A1CF: variants seen among roughly 807,000 people sequenced by gnomAD.
A1CF encodes the protein APOBEC-1 stimulating protein.
A1CF carries 48 observed loss-of-function variants against 68.9 expected under a neutral mutation model. The ratio of observed to expected loss-of-function variants is 0.70; its 90% CI spans 0.55 to 0.89. The LOEUF is 0.89. Ranked by LOEUF, A1CF falls within the 40% of genes least tolerant of loss-of-function variation. A1CF has a pLI of 0.00. For missense variants in A1CF, 653 were observed against 718.9 expected (o/e 0.91, Z 1.05); for synonymous variants, 272 against 260.4 (o/e 1.04, Z -0.43).
chr10:50,809,737 G>T (rs1428737624), intron 12 of A1CF, among the ~76,000 whole-genome samples, 157 bp downstream of exon 12: 1 of 152,184 alleles, frequency 6.6e-6, no homozygotes, highest in African/African-American at 2.4e-5. Context: ...GTGTTTTAAT[G>T]AGTCACTCAT....
intron 3 of A1CF, among the ~76,000 whole-genome samples, chr10:50,849,441 C>T (rs1352684806): frequency 6.6e-6 from 1 of 151,742 alleles, no homozygotes; most frequent in Admixed American, 6.6e-5. Flanking sequence ...ATATAATGTT[C>T]CTAAAGTAGG....
At position 50,811,192 on chromosome 10, in the gene A1CF, A is replaced by G. The variant is rs755119646; in HGVS notation, c.1324-16T>C. 2.3e-5 allele frequency: 37 copies of G among 1,591,552 alleles called. No homozygotes were observed. In the Admixed American group the frequency reaches 6.5e-4, roughly 28 times the overall value. ...CTTCTAATATCTACAAGAATAAAAAAAGTTATTTCCCCCTCAAATGACACA... is the reference window on the plus strand; with the variant it reads ...CTTCTAATATCTACAAGAATAAAAAGAGTTATTTCCCCCTCAAATGACACA... On this transcript the variant is annotated splice_polypyrimidine_tract_variant and intron_variant, in intron 10 of 12. Transcript: ENST00000373997.
intron 4 of A1CF, 88 bp from the exon 5 acceptor site, chr10:50,842,080 C>G: frequency 8.3e-7 from 1 of 1,205,724 alleles, no homozygotes; most frequent in East Asian, 2.4e-5. Flanking sequence ...CACAAACACA[C>G]ACACACACAA....
intron 5 of A1CF, among the ~76,000 whole-genome samples, chr10:50,840,229 T>TAA (rs201660141): frequency 2.8e-5 from 4 of 144,234 alleles, no homozygotes; most frequent in African/African-American, 5.1e-5. Flanking sequence ...GGATAAGATG[T>TAA]AAAAAAAAAA....
Position 50,838,664 on chromosome 10 carries a change from T to C in A1CF, c.366-2352A>G, listed in dbSNP as rs138142184. Among the ~76,000 whole-genome samples the C allele has an allele frequency of 5.6e-3, 849 of 152,268 alleles. 6 individuals are homozygous for C. Among genetic ancestry groups the C allele is most frequent in the African/African-American group, 0.019 (791 of 41,544 alleles). On this transcript the variant is annotated intron_variant, in intron 5 of 12. Transcript: ENST00000373997. ...GACGATCAGTGAATATCTGATGAAG[T>C]AGAAGCTGATATAATGATAGGTGGG...
chr10:50,801,908 G>T lies in A1CF; in HGVS notation c.*4821C>A, dbSNP rs1172423335. Reference sequence around the variant, plus strand: ...TTCCTACAAAACCAAGGAGAACTGGGGGCACATAAAGTTTGCAATCTCCCA... The same window carrying T: ...TTCCTACAAAACCAAGGAGAACTGGTGGCACATAAAGTTTGCAATCTCCCA... On this transcript the variant is annotated 3_prime_UTR_variant, in exon 13 of 13. Coordinates refer to ENST00000373997, the MANE Select transcript of A1CF (RefSeq NM_014576.4). 1 of 152,032 alleles carries T rather than the reference G, an allele frequency of 6.6e-6. No homozygotes were observed. Among genetic ancestry groups the T allele is most frequent in the Non-Finnish European group, 1.5e-5 (1 of 68,014 alleles). 9.4% of individuals were successfully genotyped at this position (152,032 alleles called of 1,614,324 possible).
At chr10:50,827,453 C>T (rs555147208) in intron 7 of A1CF, among the ~76,000 whole-genome samples, 3 of 152,142 alleles carry the variant, frequency 2.0e-5, no homozygotes, top group African/African-American at 7.2e-5. Context: ...ACAGTGCAAT[C>T]AAACTAGAAC....
chr10:50,802,034 T>C lies in A1CF; in HGVS notation c.*4695A>G, dbSNP rs1387734722. ...ACATGGCTTTAAAAATGTTGGACAT[T>C]TGGAGGGCAATAGAGTATTCTGTAC... is the stretch of plus-strand genomic sequence containing the variant. On this transcript the variant is annotated 3_prime_UTR_variant, in exon 13 of 13. Transcript: ENST00000373997. 2.6e-5 allele frequency: 4 copies of C among 152,196 alleles called. No individual in the cohort carries two copies. In the East Asian group the frequency reaches 7.7e-4, roughly 29 times the overall value. The allele number at this position is 152,196 out of a possible 1,614,324, so 9.4% of individuals were successfully genotyped here.
At chr10:50,877,832 C>G (rs1841581246) in intron 1 of A1CF, among the ~76,000 whole-genome samples, 1 of 152,120 alleles carries the variant, frequency 6.6e-6, no homozygotes, top group South Asian at 2.1e-4. Context: ...TTAGAAAAAA[C>G]TGAAAGAGGG....
chr10:50,809,792 T>G, intron 12 of A1CF, 102 bp downstream of exon 12: 4 of 1,516,762 alleles, frequency 2.6e-6, no homozygotes, highest in Non-Finnish European at 3.6e-6. Flanking sequence ...GTCAGATTGC[T>G]GTAAGTAGGG....
At chr10:50,837,530 T>C (rs532658879) in intron 5 of A1CF, among the ~76,000 whole-genome samples, 3 of 152,308 alleles carry the variant, frequency 2.0e-5, no homozygotes, top group East Asian at 3.9e-4. Flanking sequence ...CTCCCCCAAA[T>C]TGGAAATGAG....
At chr10:50,866,279 A>G (rs897147390) in intron 1 of A1CF, among the ~76,000 whole-genome samples, 25 of 152,364 alleles carry the variant, frequency 1.6e-4, no homozygotes, top group South Asian at 8.3e-4. Context: ...TGATATTTGT[A>G]TACACTTTTC....
chr10:50,863,309 T>A (rs759303578), intron 2 of A1CF, among the ~76,000 whole-genome samples: 2 of 152,202 alleles, frequency 1.3e-5, no homozygotes, highest in South Asian at 2.1e-4. Context: ...AGTCAAACTT[T>A]TATTAAAAAG....
chr10:50,884,022 CTTG>C (rs1385508174), intron 1 of A1CF, among the ~76,000 whole-genome samples: 1 of 152,182 alleles, frequency 6.6e-6, no homozygotes, highest in Admixed American at 6.5e-5. Context: ...TTCACAGATG[CTTG>C]TTATCATTAT....
chr10:50,845,636 C>A (rs901363839), intron 3 of A1CF, among the ~76,000 whole-genome samples: 1 of 152,148 alleles, frequency 6.6e-6, no homozygotes, highest in East Asian at 1.9e-4. Context: ...GTGGAAGCCA[C>A]TTATAACAGA....
At position 50,841,988 on chromosome 10, in the gene A1CF, C is replaced by T; in HGVS notation, c.239G>A (p.Gly80Asp). ...CATCATTCTCATTTCATAAATTTTACCGATCTGCAAGTAATAGAAATAGAA... is the reference window on the plus strand; with the variant it reads ...CATCATTCTCATTTCATAAATTTTATCGATCTGCAAGTAATAGAAATAGAA... ...DELIPLCEKI[G>D]KIYEMRMMMD... Residue 80 changes from glycine (G) to aspartate (D), a missense_variant, in exon 5 of 13, where the codon GGT (glycine) becomes GAT (aspartate). Transcript: ENST00000373997. The T allele has an allele frequency of 3.1e-6, 5 of 1,607,752 alleles. No homozygotes were observed. Among genetic ancestry groups the T allele is most frequent in the Non-Finnish European group, 4.3e-6 (5 of 1,175,840 alleles).
Position 50,877,118 on chromosome 10 carries a change from C to T in A1CF, c.-94+8463G>A, listed in dbSNP as rs754771653. Among the ~76,000 whole-genome samples, 53 of 152,020 alleles carry T rather than the reference C, an allele frequency of 3.5e-4. 1 individual carries two copies. Among genetic ancestry groups the T allele is most frequent in the Non-Finnish European group, 2.5e-4 (17 of 67,994 alleles). Reference sequence around the variant, plus strand: ...ATTTAGAAATTATAGAATGACATGGCCTAATGAAAAAAGCAGAATGTCTTT... The same window carrying T: ...ATTTAGAAATTATAGAATGACATGGTCTAATGAAAAAAGCAGAATGTCTTT... On this transcript the variant is annotated intron_variant, in intron 1 of 12. Coordinates refer to ENST00000373997, the MANE Select transcript of A1CF (RefSeq NM_014576.4).
At chr10:50,858,512 A>G (rs1049959345) in intron 3 of A1CF, among the ~76,000 whole-genome samples, 2 of 152,102 alleles carry the variant, frequency 1.3e-5, no homozygotes, top group Non-Finnish European at 2.9e-5. Flanking sequence ...AGATTTATAC[A>G]TATTTCTATC....
intron 9 of A1CF, 113 bp from the exon 10 acceptor site, chr10:50,814,151 G>T: frequency 8.8e-7 from 1 of 1,133,858 alleles, no homozygotes; most frequent in Non-Finnish European, 1.3e-6. Context: ...CCCAATTCAC[G>T]TTGATTATTG....
Sources: allele counts gnomAD v4.1 joint callset (sites outside exome capture counted in the v4.1 genomes callset), GRCh38; gene constraint gnomAD v4.1.1; transcripts MANE v1.5; gene names NCBI Gene and HGNC (gene_info 2026-07-23, HGNC 2026-07-21).